The following ARHGAP22 variants were observed in gnomAD, a reference collection of about 807,000 sequenced individuals.
ARHGAP22 encodes the protein rho GTPase-activating protein 22.
In ARHGAP22, 48 loss-of-function variants were observed where a neutral mutation model predicts 59.1. The observed-to-expected ratio is 0.81, with a 90% confidence interval of 0.64 to 1.03. ARHGAP22 has a LOEUF of 1.03. ARHGAP22 is among the 50% of genes least tolerant of loss of function. The pLI, the probability that ARHGAP22 is intolerant of heterozygous loss-of-function variation, is 0.00. For synonymous variants in ARHGAP22, 445 were observed against 416.4 expected, an observed-to-expected ratio of 1.07 and a Z score of -0.84; for missense variants, 1,015 against 958.7, an observed-to-expected ratio of 1.06 and a Z score of -0.78.
At chr10:48,641,182 G>A (rs11816272) in intron 1 of ARHGAP22, among the ~76,000 whole-genome samples, 7,561 of 151,862 alleles carry the variant, frequency 0.05, 550 homozygotes, top group African/African-American at 0.17. Flanking sequence ...AGAAAAACAG[G>A]AACAAAAAAG....
chr10:48,436,506 AT>A, the ARHGAP22 span: 1 of 152,208 alleles, frequency 6.6e-6, no homozygotes, highest in Admixed American at 6.5e-5. Flanking sequence ...ATTTCATGTA[AT>A]GAACTAGGAA....
chr10:48,447,008 C>A (rs1166367521), intron 9 of ARHGAP22, among the ~76,000 whole-genome samples: 1 of 152,180 alleles, frequency 6.6e-6, no homozygotes, highest in Non-Finnish European at 1.5e-5. Flanking sequence ...GCTGTGGCCT[C>A]CCCTCCCACA....
chr10:48,593,206 T>C (rs983605081), intron 1 of ARHGAP22, among the ~76,000 whole-genome samples: 10 of 152,220 alleles, frequency 6.6e-5, no homozygotes, highest in African/African-American at 2.4e-4. Flanking sequence ...CTCTTATCAC[T>C]CTTTAGAAAC....
chr10:48,554,345 T>TG (rs2057136082), intron 3 of ARHGAP22, among the ~76,000 whole-genome samples: 1 of 152,174 alleles, frequency 6.6e-6, no homozygotes, highest in Non-Finnish European at 1.5e-5. Flanking sequence ...GGACAGCCAA[T>TG]AGATCATTTC....
chr10:48,625,939 A>G (rs562469845), intron 1 of ARHGAP22, among the ~76,000 whole-genome samples: 1 of 152,288 alleles, frequency 6.6e-6, no homozygotes, highest in South Asian at 2.1e-4. Flanking sequence ...TAGAACAGAA[A>G]GTGCTTCCCC....
chr10:48,482,951 G>A (rs183787676), intron 3 of ARHGAP22, among the ~76,000 whole-genome samples: 1 of 151,798 alleles, frequency 6.6e-6, no homozygotes, highest in Non-Finnish European at 1.5e-5. Context: ...ACTCTTCTCA[G>A]CCTCTGGTAA....
intron 3 of ARHGAP22, among the ~76,000 whole-genome samples, chr10:48,555,250 T>C (rs1346520304): frequency 1.3e-5 from 2 of 152,244 alleles, no homozygotes; most frequent in African/African-American, 4.8e-5. Context: ...CGTTTCGCAT[T>C]ACCCAAAAGC....
At chr10:48,516,694 G>A (rs2053322093) in intron 3 of ARHGAP22, among the ~76,000 whole-genome samples, 1 of 152,166 alleles carries the variant, frequency 6.6e-6, no homozygotes, top group Non-Finnish European at 1.5e-5. Flanking sequence ...AATACCAAAT[G>A]TTCACAAACT....
rs768158147 is a variant in ARHGAP22, at chr10:48,591,333, C to T, written c.35-8181G>A. 1.3e-3 allele frequency among the ~76,000 whole-genome samples: 202 copies of T among 152,170 alleles called. 1 individual carries two copies. Among genetic ancestry groups the T allele is most frequent in the African/African-American group, 4.7e-3 (193 of 41,426 alleles). The stretch of plus-strand genomic sequence containing the variant: ...AGAGGAGAGCAGAAGGACTGTGCAA[C>T]GCGAAGTCACCCCGAGGCACAGGGC... On this transcript the variant is annotated intron_variant, in intron 1 of 9. Coordinates refer to ENST00000249601, the MANE Select transcript of ARHGAP22 (RefSeq NM_021226.4).
intron 2 of ARHGAP22, among the ~76,000 whole-genome samples, chr10:48,562,980 T>A (rs2057785683): frequency 6.6e-6 from 1 of 152,172 alleles, no homozygotes; most frequent in Non-Finnish European, 1.5e-5. Flanking sequence ...AGTCAATAGC[T>A]GGCACGACTG....
upstream of ARHGAP22, among the ~76,000 whole-genome samples, chr10:48,654,825 T>TCTTC (rs1345861589): frequency 0.097 from 6,002 of 61,928 alleles, 357 homozygotes; most frequent in African/African-American, 0.13. Context: ...TTTCTTTCTT[T>TCTTC]CTTCCTTCCT....
chr10:48,500,086 C>T (rs2051347376), intron 3 of ARHGAP22, among the ~76,000 whole-genome samples: 1 of 152,176 alleles, frequency 6.6e-6, no homozygotes, highest in Admixed American at 6.5e-5. Flanking sequence ...ACCTGTAATC[C>T]TAATACTTTG....
the ARHGAP22 span, chr10:48,438,011 T>G: frequency 6.6e-6 from 1 of 152,266 alleles, no homozygotes; most frequent in Non-Finnish European, 1.5e-5. Context: ...TTTACACTAT[T>G]GGCCAGTATC....
At chr10:48,529,700 C>A (rs1471729252) in intron 3 of ARHGAP22, among the ~76,000 whole-genome samples, 3 of 152,148 alleles carry the variant, frequency 2.0e-5, no homozygotes, top group Non-Finnish European at 4.4e-5. Flanking sequence ...CACTGCAGAA[C>A]AGTGAGCAAA....
intron 1 of ARHGAP22, among the ~76,000 whole-genome samples, chr10:48,632,355 C>T (rs967090090): frequency 5.4e-4 from 82 of 152,242 alleles, no homozygotes; most frequent in African/African-American, 1.9e-3. Context: ...TTATGCAATC[C>T]TATGTTGGTA....
chr10:48,499,463 G>A (rs2051286903), intron 3 of ARHGAP22, among the ~76,000 whole-genome samples: 1 of 152,230 alleles, frequency 6.6e-6, no homozygotes, highest in Non-Finnish European at 1.5e-5. Context: ...ATGAGAACAG[G>A]TGGCTTCTTC....
chr10:48,573,829 G>C (rs999184838), intron 2 of ARHGAP22, among the ~76,000 whole-genome samples: 5 of 152,216 alleles, frequency 3.3e-5, no homozygotes, highest in African/African-American at 1.2e-4. Context: ...CTAGTAGGTG[G>C]TATAAATGGG....
At chr10:48,631,292 G>C (rs1421171804) in intron 1 of ARHGAP22, among the ~76,000 whole-genome samples, 4 of 151,990 alleles carry the variant, frequency 2.6e-5, no homozygotes, top group African/African-American at 9.7e-5. Context: ...ATCTGGTTTG[G>C]GTATTAGGGT....
upstream of ARHGAP22, among the ~76,000 whole-genome samples, chr10:48,653,663 G>C (rs2062648014): frequency 6.6e-6 from 1 of 152,250 alleles, no homozygotes; most frequent in Non-Finnish European, 1.5e-5. Context: ...AAAGCAAGCA[G>C]TAATTTGGGT....
Sources: allele counts gnomAD v4.1 joint callset (sites outside exome capture counted in the v4.1 genomes callset), GRCh38; gene constraint gnomAD v4.1.1; transcripts MANE v1.5; gene names NCBI Gene and HGNC (gene_info 2026-07-23, HGNC 2026-07-21).